EPCAM: variants seen among roughly 807,000 people sequenced by gnomAD.
EPCAM encodes the protein epithelial cell adhesion molecule.
A neutral mutation model predicts 40.0 loss-of-function variants in EPCAM; 39 were observed. That is an observed-to-expected ratio of 0.98 (90% CI 0.76 to 1.27). The LOEUF (loss-of-function observed/expected upper bound fraction) is 1.27, where lower values mean the gene tolerates loss of function less well. Among genes scored for constraint, EPCAM ranks in the 50% most tolerant of loss-of-function variants. The pLI, the probability that EPCAM is intolerant of heterozygous loss-of-function variation, is 0.00. For synonymous variants in EPCAM, 168 were observed against 132.3 expected, an observed-to-expected ratio of 1.27 and a Z score of -1.85; for missense variants, 503 against 381.2, an observed-to-expected ratio of 1.32 and a Z score of -2.66.
In EPCAM at chr2:47,371,926, TTTTC is replaced by T. The variant is rs1425239492; in HGVS notation, c.77-1533_77-1530del. ...AAAACTCTGGTTTGTCATGCTAGCT[TTTTC>T]TTTTTTTTCCTCTTCAGTTGAACTG... On this transcript the variant is annotated intron_variant, in intron 1 of 8. Coordinates refer to ENST00000263735, the MANE Select transcript of EPCAM (RefSeq NM_002354.3). 3.9e-5 allele frequency among the ~76,000 whole-genome samples: 6 copies of T among 152,148 alleles called. 1 individual carries two copies. The highest frequency in any genetic ancestry group is 2.0e-4 in the Admixed American group (3 of 15,268).
At chr2:47,370,516 C>G (rs1000226715) in intron 1 of EPCAM, among the ~76,000 whole-genome samples, 1 of 151,756 alleles carries the variant, frequency 6.6e-6, no homozygotes, top group African/African-American at 2.4e-5. Flanking sequence ...AGCTCGTGAT[C>G]CGCCCGCCTC....
At chr2:47,371,790 C>T (rs1671277114) in intron 1 of EPCAM, among the ~76,000 whole-genome samples, 1 of 152,058 alleles carries the variant, frequency 6.6e-6, no homozygotes, top group African/African-American at 2.4e-5. Flanking sequence ...TTTGTGACCC[C>T]AGTATTGAGT....
Position 47,369,422 on chromosome 2 carries a change from G to GGCTCCTCGTGTCCC in EPCAM, c.-83_-70dup. 7.8e-7 allele frequency: 1 copy of GGCTCCTCGTGTCCC among 1,283,902 alleles called. No individual in the cohort carries two copies. Among genetic ancestry groups the GGCTCCTCGTGTCCC allele is most frequent in the Non-Finnish European group, 1.0e-6 (1 of 993,844 alleles). The allele number at this position is 1,283,902 out of a possible 1,614,324, so 79.5% of individuals were successfully genotyped here. A position where few individuals can be genotyped will look rare whatever the true frequency, so the allele number is the denominator to read the frequency against. On this transcript the variant is annotated 5_prime_UTR_variant, in exon 1 of 9. Transcript: ENST00000263735. ...GCCCCAGGCCTCGCGCTGCCCGGCC[G>GGCTCCTCGTGTCCC]GCTCCTCGTGTCCCACTCCCGGCGC...
At chr2:47,383,027 C>G (rs1186454334) in intron 7 of EPCAM, 1 of 151,338 alleles carries the variant, frequency 6.6e-6, no homozygotes, top group Admixed American at 6.6e-5. Flanking sequence ...GTCTCGCTGG[C>G]CGGACGTGGT....
rs1671713074 is a variant in EPCAM, at chr2:47,385,227, C to G, written c.903+17C>G. The G allele has an allele frequency of 2.5e-6, 4 of 1,604,776 alleles. No individual in the cohort carries two copies. Among genetic ancestry groups the G allele is most frequent in the Non-Finnish European group, 2.6e-6 (3 of 1,171,868 alleles). On this transcript the variant is annotated intron_variant, in intron 8 of 8. Coordinates refer to ENST00000263735, the MANE Select transcript of EPCAM (RefSeq NM_002354.3). ...AAGGCTGAGGTAAATGGATTACTTA[C>G]CTAAATAGAAAGGCCCTGTTGAATC... is the stretch of plus-strand genomic sequence containing the variant.
At chr2:47,376,026 G>C (rs575019882) in intron 4 of EPCAM, among the ~76,000 whole-genome samples, 1 of 151,904 alleles carries the variant, frequency 6.6e-6, no homozygotes, top group Non-Finnish European at 1.5e-5. Flanking sequence ...GTTATATCAC[G>C]TTGTGCCCAT....
chr2:47,374,928 T>G (rs935997865), intron 3 of EPCAM, among the ~76,000 whole-genome samples: 1 of 152,204 alleles, frequency 6.6e-6, no homozygotes, highest in African/African-American at 2.4e-5. Flanking sequence ...TGAGCCACCA[T>G]GCCCGGGCCT....
chr2:47,372,924 G>T (rs1324694147), intron 1 of EPCAM, among the ~76,000 whole-genome samples: 6 of 150,836 alleles, frequency 4.0e-5, no homozygotes, highest in African/African-American at 1.5e-4. Context: ...TGTAACAGGA[G>T]GCCAGGCACA....
chr2:47,381,047 C>G (rs1336173155), intron 7 of EPCAM, among the ~76,000 whole-genome samples: 1 of 125,670 alleles, frequency 8.0e-6, no homozygotes, highest in East Asian at 2.6e-4. Flanking sequence ...GATCATGCCA[C>G]TGCACTCTAA....
rs1490787422 is a variant in EPCAM at position 47,369,392 on chromosome 2, C to T, written c.-114C>T. ...CGTCGCTGTCCTCCCGACGCGGACC[C>T]GCGTGCCCCAGGCCTCGCGCTGCCC... is the stretch of plus-strand genomic sequence containing the variant. On this transcript the variant is annotated 5_prime_UTR_variant, in exon 1 of 9. Transcript: ENST00000263735. 3 of 1,208,344 alleles carry T rather than the reference C, an allele frequency of 2.5e-6. No individual in the cohort carries two copies. Among genetic ancestry groups the T allele is most frequent in the Admixed American group, 8.3e-5 (2 of 24,192 alleles). The allele number at this position is 1,208,344 out of a possible 1,614,324, so 74.9% of individuals were successfully genotyped here.
chr2:47,381,058 T>G (rs1277511816), intron 7 of EPCAM, among the ~76,000 whole-genome samples: 1 of 114,222 alleles, frequency 8.8e-6, no homozygotes, highest in East Asian at 2.7e-4. Flanking sequence ...TGCACTCTAA[T>G]CTGGGTGACA....
chr2:47,386,643 G>A lies in EPCAM; in HGVS notation c.*30G>A, dbSNP rs2103771005. 6 of 1,542,424 alleles carry A rather than the reference G, an allele frequency of 3.9e-6. No individual in the cohort carries two copies. Among genetic ancestry groups the A allele is most frequent in the Non-Finnish European group, 5.4e-6 (6 of 1,116,030 alleles). ...ATAATTTGAAGATTATAGAAGAAGGGAAATAGCAAATGGACACAAATTACA... is the reference window on the plus strand; with the variant it reads ...ATAATTTGAAGATTATAGAAGAAGGAAAATAGCAAATGGACACAAATTACA... On this transcript the variant is annotated 3_prime_UTR_variant, in exon 9 of 9. Transcript: ENST00000263735.
At chr2:47,372,104 A>T (rs1490440776) in intron 1 of EPCAM, among the ~76,000 whole-genome samples, 1 of 152,226 alleles carries the variant, frequency 6.6e-6, no homozygotes, top group Non-Finnish European at 1.5e-5. Context: ...TGGGCTGCTT[A>T]GTATCACTTT....
chr2:47,381,955 C>T (rs1050476830), intron 7 of EPCAM, among the ~76,000 whole-genome samples: 12 of 152,106 alleles, frequency 7.9e-5, no homozygotes, highest in African/African-American at 2.7e-4. Flanking sequence ...TTAGTAGAGA[C>T]GAATTCTTGC....
intron 1 of EPCAM, among the ~76,000 whole-genome samples, chr2:47,373,205 T>C (rs1295866873): frequency 1.5e-5 from 1 of 65,048 alleles, no homozygotes; most frequent in African/African-American, 5.1e-5. Flanking sequence ...ACCCTATCTT[T>C]AAAAAAAAAA....
At chr2:47,372,326 T>C (rs900272637) in intron 1 of EPCAM, among the ~76,000 whole-genome samples, 35 of 152,098 alleles carry the variant, frequency 2.3e-4, no homozygotes, top group African/African-American at 7.7e-4. Flanking sequence ...ATTGGAATAG[T>C]TGATTTTTTT....
intron 1 of EPCAM, among the ~76,000 whole-genome samples, chr2:47,370,918 G>A (rs1478411718): frequency 1.3e-5 from 2 of 151,994 alleles, no homozygotes; most frequent in African/African-American, 2.4e-5. Context: ...TCGCCATGTT[G>A]GCCAGGCTGG....
At position 47,371,960 on chromosome 2, in the gene EPCAM, G is replaced by A. The variant is rs986786771; in HGVS notation, c.77-1503G>A. Among the ~76,000 whole-genome samples the A allele has an allele frequency of 7.2e-5, 11 of 152,310 alleles. No homozygotes were observed. In the South Asian group the frequency reaches 2.3e-3, roughly 32 times the overall value. ...TTTTCCTCTTCAGTTGAACTGAGGA[G>A]ATAGTTTTTGTTTTTAATGATTGTG... On this transcript the variant is annotated intron_variant, in intron 1 of 8. Transcript: ENST00000263735.
rs370932088 is a variant in EPCAM at position 47,377,111 on chromosome 2, AG to A, written c.555+35del. ...TTTTAATAAGTGAGCTTTAGCAGAC[AG>A]TTGGTGAGACAGTATGTTTTGAGTA... On this transcript the variant is annotated intron_variant, in intron 5 of 8. Transcript: ENST00000263735. 71 of 1,346,712 alleles carry A rather than the reference AG, an allele frequency of 5.3e-5. 1 individual carries two copies. The African/African-American group carries it at 9.6e-4, about 18-fold the overall frequency. The allele number at this position is 1,346,712 out of a possible 1,614,324, so 83.4% of individuals were successfully genotyped here.
Sources: gnomAD v4.1 joint callset for allele counts (sites outside exome capture counted in the v4.1 genomes callset) on GRCh38, gnomAD v4.1.1 for gene constraint, MANE v1.5 for transcripts, NCBI Gene and HGNC (gene_info 2026-07-23, HGNC 2026-07-21) for gene names.